CSMD1: variants seen among roughly 807,000 people sequenced by gnomAD.
CSMD1 encodes the protein CUB and Sushi multiple domains 1, also known as CUB and sushi domain-containing protein 1.
In CSMD1, 213 loss-of-function variants were observed where a neutral mutation model predicts 417.5. That is an observed-to-expected ratio of 0.51 (90% confidence interval 0.46 to 0.57). The LOEUF (loss-of-function observed/expected upper bound fraction) is 0.57. Among genes scored for constraint, CSMD1 ranks in the 20% least tolerant of loss-of-function variants. The pLI is 0.00. For missense variants in CSMD1, 6,923 were observed against 4,529.7 expected (o/e 1.53, Z -15.17); for synonymous variants, 2,862 against 1,736.8 (o/e 1.65, Z -16.11).
At chr8:4,463,586 A>G (rs1202539823) in intron 2 of CSMD1, among the ~76,000 whole-genome samples, 1 of 152,152 alleles carries the variant, frequency 6.6e-6, no homozygotes, top group Non-Finnish European at 1.5e-5. Flanking sequence ...GAAGAAGTGA[A>G]CTGCCGATTT....
chr8:4,680,308 A>G (rs1378544532), intron 1 of CSMD1, among the ~76,000 whole-genome samples: 1 of 152,214 alleles, frequency 6.6e-6, no homozygotes, highest in Non-Finnish European at 1.5e-5. Flanking sequence ...CGAAAAAGTA[A>G]TATGAATCAA....
rs938713580 is a variant in CSMD1, at chr8:4,274,826, T to G, written c.415+145127A>C. On this transcript the variant is annotated intron_variant, in intron 3 of 69. Transcript: ENST00000635120. ...ACCCTCAACAAAATTTATGACTGCTTTGCTTTGAAAACTATTGTACTGCTT... is the reference window on the plus strand; with the variant it reads ...ACCCTCAACAAAATTTATGACTGCTGTGCTTTGAAAACTATTGTACTGCTT... 7.9e-5 allele frequency among the ~76,000 whole-genome samples: 12 copies of G among 152,276 alleles called. No homozygotes were observed. The East Asian group carries it at 1.7e-3, about 22-fold the overall frequency.
chr8:3,311,534 G>C (rs1006380766), intron 23 of CSMD1, among the ~76,000 whole-genome samples: 7 of 152,304 alleles, frequency 4.6e-5, no homozygotes, highest in African/African-American at 1.4e-4. Context: ...ATAAGCATGA[G>C]TCTAATCAGC....
chr8:3,084,896 T>C (rs76759584), intron 49 of CSMD1, among the ~76,000 whole-genome samples: 1 of 150,616 alleles, frequency 6.6e-6, no homozygotes, highest in South Asian at 2.1e-4. Flanking sequence ...TTTTGCTACA[T>C]TTTGTTTTGT....
intron 1 of CSMD1, among the ~76,000 whole-genome samples, chr8:4,660,898 ATTACAAC>A (rs1227067881): frequency 6.6e-6 from 1 of 152,182 alleles, no homozygotes. Context: ...GGAAATGCAA[ATTACAAC>A]TACAATGAGA....
At chr8:3,722,761 C>A (rs1802262141) in intron 6 of CSMD1, among the ~76,000 whole-genome samples, 1 of 152,310 alleles carries the variant, frequency 6.6e-6, no homozygotes, top group East Asian at 1.9e-4. Flanking sequence ...AGCATTAATG[C>A]TAGTCGTTAG....
At chr8:3,983,210 A>G (rs975799301) in intron 5 of CSMD1, among the ~76,000 whole-genome samples, 1 of 148,400 alleles carries the variant, frequency 6.7e-6, no homozygotes, top group African/African-American at 2.5e-5. Flanking sequence ...AGCTCACTGC[A>G]AGCTCCACCT....
rs531050207 is a variant in CSMD1 at position 3,151,470 on chromosome 8, C to A, written c.5958G>T (p.Leu1986=). 3.1e-6 allele frequency: 5 copies of A among 1,613,724 alleles called. No homozygotes were observed. The highest frequency in any genetic ancestry group is 4.2e-6 in the Non-Finnish European group (5 of 1,179,858). ...GTLSTLGGVI[L]SPGFPGSYPN... is the part of the protein sequence containing the mutation. ...GGTAAGAACCTGGGAAGCCGGGGCT[C>A]AGGATCACACCACCCAAGGTGCTCA... is the stretch of plus-strand genomic sequence containing the variant. The change falls in exon 40 of 70, where the codon CTG becomes CTT. Residue 1986 remains leucine (L), a synonymous_variant. Transcript: ENST00000635120.
intron 2 of CSMD1, among the ~76,000 whole-genome samples, chr8:4,624,609 G>A (rs981668936): frequency 6.6e-6 from 1 of 152,150 alleles, no homozygotes; most frequent in African/African-American, 2.4e-5. Context: ...CACGACATTG[G>A]ACACGCCTCA....
chr8:4,580,457 T>A (rs1455238693), intron 2 of CSMD1, among the ~76,000 whole-genome samples: 1 of 152,190 alleles, frequency 6.6e-6, no homozygotes, highest in African/African-American at 2.4e-5. Flanking sequence ...ACTTTACAGG[T>A]GAGAAAATTG....
At chr8:3,081,285 T>C (rs903336820) in intron 49 of CSMD1, among the ~76,000 whole-genome samples, 1 of 152,210 alleles carries the variant, frequency 6.6e-6, no homozygotes. Context: ...ATGTCCTTTA[T>C]GCATTCAGGA....
chr8:4,385,934 C>G (rs745525747), intron 3 of CSMD1, among the ~76,000 whole-genome samples: 54 of 152,144 alleles, frequency 3.5e-4, no homozygotes, highest in African/African-American at 1.2e-3. Flanking sequence ...TTTCTCACCC[C>G]TCAACATTCA....
intron 1 of CSMD1, among the ~76,000 whole-genome samples, chr8:4,948,830 A>G (rs772075539): frequency 2.6e-5 from 4 of 152,100 alleles, no homozygotes; most frequent in Non-Finnish European, 4.4e-5. Flanking sequence ...GCTGCAGCAT[A>G]AGGATTTTTA....
chr8:4,675,140 A>G (rs1248128453), intron 1 of CSMD1, among the ~76,000 whole-genome samples: 1 of 152,218 alleles, frequency 6.6e-6, no homozygotes, highest in African/African-American at 2.4e-5. Flanking sequence ...TGACTAACAC[A>G]TAACATTTAT....
chr8:3,180,870 C>T (rs1158107905), intron 37 of CSMD1, among the ~76,000 whole-genome samples: 1 of 151,982 alleles, frequency 6.6e-6, no homozygotes, highest in East Asian at 1.9e-4. Context: ...TCTTGAACAC[C>T]TGATGTCTGG....
chr8:3,538,806 C>G (rs1798315237), intron 10 of CSMD1, among the ~76,000 whole-genome samples: 1 of 152,192 alleles, frequency 6.6e-6, no homozygotes. Flanking sequence ...GCACCAAGAG[C>G]CTGGTGGAAG....
chr8:3,487,020 A>C (rs1212469316), intron 11 of CSMD1, among the ~76,000 whole-genome samples: 1 of 152,106 alleles, frequency 6.6e-6, no homozygotes, highest in Non-Finnish European at 1.5e-5. Flanking sequence ...AACCTCTCAC[A>C]CACAGAAGGT....
At chr8:4,211,828 G>A (rs1800329720) in intron 3 of CSMD1, among the ~76,000 whole-genome samples, 1 of 152,246 alleles carries the variant, frequency 6.6e-6, no homozygotes, top group East Asian at 1.9e-4. Flanking sequence ...TTTTTCAGTA[G>A]GAGTCTTTGA....
At chr8:4,954,731 G>T (rs553872771) in intron 1 of CSMD1, among the ~76,000 whole-genome samples, 1 of 152,164 alleles carries the variant, frequency 6.6e-6, no homozygotes, top group Non-Finnish European at 1.5e-5. Flanking sequence ...AATATGCAGA[G>T]ACTGGAGGAT....
Sources: gnomAD v4.1 joint callset for allele counts (sites outside exome capture counted in the v4.1 genomes callset) on GRCh38, gnomAD v4.1.1 for gene constraint, MANE v1.5 for transcripts, NCBI Gene and HGNC (gene_info 2026-07-23, HGNC 2026-07-21) for gene names.